The following PDCD10 variants were observed in gnomAD, a reference collection of about 807,000 sequenced individuals.
PDCD10 encodes the protein programmed cell death 10.
In PDCD10, 4 loss-of-function variants were observed where a neutral mutation model predicts 29.2. That is an observed-to-expected ratio of 0.14 (90% CI 0.07 to 0.31). PDCD10 has a LOEUF of 0.31. PDCD10 is among the 10% of genes least tolerant of loss of function. The pLI is 1.00. For missense variants in PDCD10, 183 were observed against 257.9 expected (o/e 0.71, Z 1.99); for synonymous variants, 70 against 82.2 (o/e 0.85, Z 0.80).
intron 3 of PDCD10, among the ~76,000 whole-genome samples, chr3:167,716,309 TACTAAA>T (rs1723007448): frequency 6.6e-6 from 1 of 151,880 alleles, no homozygotes; most frequent in South Asian, 2.1e-4. Flanking sequence ...GGTTAATAGG[TACTAAA>T]ACATAGGAAT....
At chr3:167,700,431 A>G (rs1721278725) in intron 4 of PDCD10, among the ~76,000 whole-genome samples, 1 of 152,156 alleles carries the variant, frequency 6.6e-6, no homozygotes, top group African/African-American at 2.4e-5. Flanking sequence ...CATTACAAGA[A>G]GGTGTATTGC....
At chr3:167,712,760 A>G (rs907621119) in intron 3 of PDCD10, among the ~76,000 whole-genome samples, 2 of 152,114 alleles carry the variant, frequency 1.3e-5, no homozygotes, top group East Asian at 1.9e-4. Context: ...AAAGAGACGA[A>G]AAAAGATATT....
At chr3:167,686,798 C>T (rs1719671049) in intron 8 of PDCD10, among the ~76,000 whole-genome samples, 2 of 152,164 alleles carry the variant, frequency 1.3e-5, no homozygotes, top group Non-Finnish European at 2.9e-5. Context: ...ACTAAAATTG[C>T]TTTTACATTT....
Position 167,694,061 on chromosome 3 carries a change from A to C in PDCD10, c.395+1535T>G, listed in dbSNP as rs539036092. Among the ~76,000 whole-genome samples, 5 of 152,312 alleles carry C rather than the reference A, an allele frequency of 3.3e-5. No individual in the cohort carries two copies. In the East Asian group the frequency reaches 7.7e-4, roughly 24 times the overall value. ...CACCCATCTATGGAATGTTAAGCTGACACCCATAACAGTCAAGGCTTCCCA... is the reference window on the plus strand; with the variant it reads ...CACCCATCTATGGAATGTTAAGCTGCCACCCATAACAGTCAAGGCTTCCCA... On this transcript the variant is annotated intron_variant, in intron 6 of 8. Coordinates refer to ENST00000392750, the MANE Select transcript of PDCD10 (RefSeq NM_007217.4).
chr3:167,731,944 A>G (rs147647503), intron 2 of PDCD10, among the ~76,000 whole-genome samples: 7 of 152,324 alleles, frequency 4.6e-5, no homozygotes, highest in Admixed American at 2.0e-4. Context: ...GAGACGGAAT[A>G]TGTAAAGGCC....
At chr3:167,726,483 G>C (rs1559979519) in intron 2 of PDCD10, among the ~76,000 whole-genome samples, 2 of 152,088 alleles carry the variant, frequency 1.3e-5, no homozygotes, top group South Asian at 2.1e-4. Context: ...TACAGCAGGA[G>C]ATAGTGCTCA....
intron 6 of PDCD10, among the ~76,000 whole-genome samples, chr3:167,690,561 T>C (rs753171436): frequency 3.1e-4 from 47 of 152,208 alleles, no homozygotes; most frequent in African/African-American, 8.4e-4. Context: ...TTGAGATGTA[T>C]TGGACTTCAA....
chr3:167,734,754 C>T lies in PDCD10; in HGVS notation c.-346G>A, dbSNP rs927931077. The T allele has an allele frequency of 2.6e-5, 4 of 153,316 alleles. No individual in the cohort carries two copies. The South Asian group carries it at 8.3e-4, about 32-fold the overall frequency. 9.5% of individuals were successfully genotyped at this position (153,316 alleles called of 1,614,324 possible). ...ATGGCCCCTGCGTGACCCTAGACCT[C>T]TTCTGCTCGGTGCAGAGCTACGGGG... On this transcript the variant is annotated 5_prime_UTR_variant, in exon 1 of 9. Coordinates refer to ENST00000392750, the MANE Select transcript of PDCD10 (RefSeq NM_007217.4).
intron 3 of PDCD10, among the ~76,000 whole-genome samples, chr3:167,718,741 G>C (rs1412804478): frequency 1.3e-5 from 2 of 151,398 alleles, no homozygotes; most frequent in African/African-American, 4.9e-5. Context: ...TGGCTCTTCA[G>C]CAGCTATCTT....
intron 2 of PDCD10, among the ~76,000 whole-genome samples, chr3:167,728,191 A>AT (rs1255798674): frequency 2.0e-5 from 3 of 151,758 alleles, no homozygotes; most frequent in Non-Finnish European, 2.9e-5. Context: ...ATAAATACCG[A>AT]TTTTAATATG....
At chr3:167,700,072 AAAAG>A (rs1457410686) in intron 4 of PDCD10, among the ~76,000 whole-genome samples, 4 of 152,248 alleles carry the variant, frequency 2.6e-5, no homozygotes, top group Admixed American at 2.6e-4. Context: ...ATTTGCAGTT[AAAAG>A]AAATATAAAC....
At chr3:167,729,924 T>C in intron 2 of PDCD10, among the ~76,000 whole-genome samples, 1 of 152,284 alleles carries the variant, frequency 6.6e-6, no homozygotes, top group African/African-American at 2.4e-5. Flanking sequence ...TTTAACCCTA[T>C]AGGCAACCTG....
Position 167,696,995 on chromosome 3 carries a change from C to T in PDCD10, c.268+14G>A. 7.9e-7 allele frequency: 1 copy of T among 1,269,706 alleles called. No individual in the cohort carries two copies. The highest frequency in any genetic ancestry group is 1.2e-6 in the Non-Finnish European group (1 of 865,740). The allele number at this position is 1,269,706 out of a possible 1,614,324, so 78.7% of individuals were successfully genotyped here. ...ACAATTGTATAACTTAAACAAGGTT[C>T]TTCTGTCCGTTACCTTCTACATCAT... On this transcript the variant is annotated intron_variant, in intron 5 of 8. Coordinates refer to ENST00000392750, the MANE Select transcript of PDCD10 (RefSeq NM_007217.4).
chr3:167,734,807 AGCAACTGAGGCACTG>A lies in PDCD10; in HGVS notation c.-414_-400del, dbSNP rs1398193311. ...TGGGACAGAACAGCTACACCTTACC[AGCAACTGAGGCACTG>A]ACTTCACTTCCCACCTTGCAGCCCT... is the stretch of plus-strand genomic sequence containing the variant. On this transcript the variant is annotated 5_prime_UTR_variant, in exon 1 of 9. Transcript: ENST00000392750. 1 of 153,770 alleles carries A rather than the reference AGCAACTGAGGCACTG, an allele frequency of 6.5e-6. No homozygotes were observed. Among genetic ancestry groups the A allele is most frequent in the Non-Finnish European group, 1.4e-5 (1 of 69,000 alleles). The allele number at this position is 153,770 out of a possible 1,614,324, so 9.5% of individuals were successfully genotyped here.
In PDCD10 at chr3:167,733,956, C is replaced by T. The variant is rs150660711; in HGVS notation, c.-117+258G>A. Among the ~76,000 whole-genome samples, 30 of 152,266 alleles carry T rather than the reference C, an allele frequency of 2.0e-4. No individual in the cohort carries two copies. In the East Asian group the frequency reaches 5.6e-3, roughly 28 times the overall value. ...CTTTCCTTTATTGAGGAATTTCACT[C>T]CGGTTCAAGAAACAACTTTTTATCT... is the stretch of plus-strand genomic sequence containing the variant. On this transcript the variant is annotated intron_variant, in intron 2 of 8. Coordinates refer to ENST00000392750, the MANE Select transcript of PDCD10 (RefSeq NM_007217.4).
Position 167,725,806 on chromosome 3 carries a change from T to TGC in PDCD10, c.-116-5534_-116-5533insGC, listed in dbSNP as rs1245310038. 3.8e-5 allele frequency among the ~76,000 whole-genome samples: 4 copies of TGC among 104,666 alleles called. No individual in the cohort carries two copies. In the East Asian group the frequency reaches 1.2e-3, roughly 32 times the overall value. 68.7% of individuals were successfully genotyped at this position (104,666 alleles called of 152,430 possible). A position where few individuals can be genotyped will look rare whatever the true frequency, so the allele number is the denominator to read the frequency against. On this transcript the variant is annotated intron_variant, in intron 2 of 8. Coordinates refer to ENST00000392750, the MANE Select transcript of PDCD10 (RefSeq NM_007217.4). ...ATATATATATATATATATATATATATATATATGCTTTAAAAATATTAAATG... is the reference window on the plus strand; with the variant it reads ...ATATATATATATATATATATATATATGCATATATGCTTTAAAAATATTAAATG...
At chr3:167,719,459 T>C (rs758669343) in intron 3 of PDCD10, among the ~76,000 whole-genome samples, 1 of 152,132 alleles carries the variant, frequency 6.6e-6, no homozygotes, top group Non-Finnish European at 1.5e-5. Context: ...TTAATATTAA[T>C]TTAAAAGAAA....
intron 2 of PDCD10, among the ~76,000 whole-genome samples, chr3:167,725,764 TA>T (rs1193929941): frequency 0.062 from 148 of 2,380 alleles, 8 homozygotes; most frequent in African/African-American, 0.24. Flanking sequence ...TTGTATCGTT[TA>T]TATATATATA....
chr3:167,729,855 G>T (rs977916466), intron 2 of PDCD10, among the ~76,000 whole-genome samples: 6 of 152,152 alleles, frequency 3.9e-5, no homozygotes, highest in Non-Finnish European at 1.5e-5. Flanking sequence ...CACTTAACAT[G>T]TTCCACTGCT....
Sources: gnomAD v4.1 joint callset for allele counts (sites outside exome capture counted in the v4.1 genomes callset) on GRCh38, gnomAD v4.1.1 for gene constraint, MANE v1.5 for transcripts, NCBI Gene and HGNC (gene_info 2026-07-23, HGNC 2026-07-21) for gene names.